KANSL1: variants seen among roughly 807,000 people sequenced by gnomAD.
KANSL1 encodes KAT8 regulatory NSL complex subunit 1.
KANSL1 carries 22 observed loss-of-function variants against 103.6 expected under a neutral mutation model. That is an observed-to-expected ratio of 0.21 (90% CI 0.15 to 0.30). The LOEUF (loss-of-function observed/expected upper bound fraction) is 0.30. KANSL1 is among the 10% of genes least tolerant of loss of function. The pLI is 1.00. For missense variants in KANSL1, 1,337 were observed against 1,399.8 expected (o/e 0.96, Z 0.72); for synonymous variants, 600 against 527.6 (o/e 1.14, Z -1.88).
intron 2 of KANSL1, among the ~76,000 whole-genome samples, chr17:46,104,337 C>A (rs199646282): frequency 2.0e-5 from 3 of 152,316 alleles, no homozygotes; most frequent in East Asian, 3.9e-4. Flanking sequence ...GAAGCATCTT[C>A]TAACACTAAA....
At chr17:46,063,516 G>C (rs2146623999) in intron 6 of KANSL1, among the ~76,000 whole-genome samples, 1 of 152,270 alleles carries the variant, frequency 6.6e-6, no homozygotes, top group Middle Eastern at 3.4e-3. Flanking sequence ...CTCTAACTCT[G>C]GAAGAACTCC....
intron 2 of KANSL1, 118 bp from the exon 3 acceptor site, chr17:46,094,819 A>G: frequency 8.4e-7 from 1 of 1,194,612 alleles, no homozygotes; most frequent in Non-Finnish European, 1.2e-6. Context: ...TCTAGTGTCA[A>G]GAAAAACCCA....
intron 2 of KANSL1, among the ~76,000 whole-genome samples, chr17:46,098,998 A>G (rs2042193872): frequency 6.6e-6 from 1 of 152,232 alleles, no homozygotes; most frequent in Non-Finnish European, 1.5e-5. Context: ...ACAGTAACAC[A>G]AGAATAAGAG....
In KANSL1 at chr17:46,203,684, A is replaced by C. The variant is rs1026962691; in HGVS notation, c.-90+19987T>G. Among the ~76,000 whole-genome samples the C allele has an allele frequency of 2.4e-4, 37 of 152,314 alleles. 1 individual carries two copies. The highest frequency in any genetic ancestry group is 6.8e-3 in the Middle Eastern group (2 of 294). On this transcript the variant is annotated intron_variant, in intron 1 of 14. Coordinates refer to the KANSL1 transcript ENST00000572904. ...TGCTTCCAATTCCATTTTCTTCTGGACTCTTTTCTGAAGCTTGCCTAAATC... is the reference window on the plus strand; with the variant it reads ...TGCTTCCAATTCCATTTTCTTCTGGCCTCTTTTCTGAAGCTTGCCTAAATC...
rs71138525 is a variant in KANSL1 at position 46,096,311 on chromosome 17, C to CTTTTTTTTTTTTT, written c.1290-1623_1290-1611dup. On this transcript the variant is annotated intron_variant, in intron 2 of 14. Transcript: ENST00000432791. ...CATACTACATACCTGGCTTTTTTTT[C>CTTTTTTTTTTTTT]TTTTTTTTTTTTTTTTTTTTTGAGA... is the stretch of plus-strand genomic sequence containing the variant. Among the ~76,000 whole-genome samples the CTTTTTTTTTTTTT allele has an allele frequency of 9.3e-4, 71 of 76,388 alleles. 2 individuals carry two copies. The highest frequency in any genetic ancestry group is 1.2e-3 in the Non-Finnish European group (48 of 40,676). The allele number at this position is 76,388 out of a possible 152,430, so 50.1% of individuals were successfully genotyped here. A position where few individuals can be genotyped will look rare whatever the true frequency, so the allele number is the denominator to read the frequency against.
intron 2 of KANSL1, among the ~76,000 whole-genome samples, chr17:46,164,783 G>C (rs1381492689): frequency 6.6e-6 from 1 of 152,238 alleles, no homozygotes; most frequent in East Asian, 1.9e-4. Flanking sequence ...TTTCAAAGTA[G>C]TTTGAGACCT....
At chr17:46,206,772 C>T (rs1481019422) in intron 1 of KANSL1, among the ~76,000 whole-genome samples, 2 of 152,152 alleles carry the variant, frequency 1.3e-5, no homozygotes, top group African/African-American at 4.8e-5. Context: ...CATTTGGTGG[C>T]CTGACATCAA....
chr17:46,124,361 G>A (rs2043421226), intron 2 of KANSL1, among the ~76,000 whole-genome samples: 1 of 152,242 alleles, frequency 6.6e-6, no homozygotes, highest in Non-Finnish European at 1.5e-5. Flanking sequence ...GTCCACCATT[G>A]AGACCTCATG....
chr17:46,087,543 T>C (rs1316361014), intron 3 of KANSL1, among the ~76,000 whole-genome samples: 1 of 152,232 alleles, frequency 6.6e-6, no homozygotes, highest in Non-Finnish European at 1.5e-5. Context: ...AAGGAGCTTA[T>C]GTTCATCTAG....
chr17:46,161,039 A>T (rs62060880), intron 2 of KANSL1, among the ~76,000 whole-genome samples: 1,770 of 152,016 alleles, frequency 0.012, no homozygotes, highest in Non-Finnish European at 0.018. Flanking sequence ...TAAAGAGCTA[A>T]AAACAATTCA....
intron 2 of KANSL1, among the ~76,000 whole-genome samples, chr17:46,164,414 T>C (rs1412450762): frequency 6.6e-6 from 1 of 152,272 alleles, no homozygotes; most frequent in African/African-American, 2.4e-5. Flanking sequence ...TTCTGCCACT[T>C]GACGTCATGT....
chr17:46,036,931 C>T (rs2077168312), intron 10 of KANSL1, among the ~76,000 whole-genome samples: 2 of 152,048 alleles, frequency 1.3e-5, no homozygotes, highest in East Asian at 1.9e-4. Context: ...AGGATGGTCT[C>T]GAACTCCTGA....
chr17:46,161,007 T>C (rs1228086047), intron 2 of KANSL1, among the ~76,000 whole-genome samples: 1 of 152,188 alleles, frequency 6.6e-6, no homozygotes, highest in East Asian at 1.9e-4. Context: ...CATAAATTAA[T>C]TTGTAAAAAG....
Position 46,171,007 on chromosome 17 carries a change from T to C in KANSL1, c.1137A>G (p.Glu379=), listed in dbSNP as rs2046255315. ...TGCCACTAGCTGTAAATCTCTCCAA[T>C]TCTTCTGAAATTGAATTGCTTTTCA... ...NFLKSNSISE[E]LERFTASGIA... The change falls in exon 2 of 15, where the codon GAA becomes GAG. Residue 379 remains glutamate, a synonymous_variant. Coordinates refer to ENST00000432791, the MANE Select transcript of KANSL1 (RefSeq NM_015443.4). 1.2e-6 allele frequency: 2 copies of C among 1,614,090 alleles called. No individual in the cohort carries two copies. Among genetic ancestry groups the C allele is most frequent in the Non-Finnish European group, 1.7e-6 (2 of 1,180,064 alleles).
intron 1 of KANSL1, among the ~76,000 whole-genome samples, chr17:46,202,129 G>T (rs773123416): frequency 6.6e-6 from 1 of 151,496 alleles, no homozygotes; most frequent in Admixed American, 6.6e-5. Context: ...TGTGAGCTAG[G>T]ATCACATTAC....
At chr17:46,178,556 C>T (rs1216119236) in intron 1 of KANSL1, among the ~76,000 whole-genome samples, 1 of 152,208 alleles carries the variant, frequency 6.6e-6, no homozygotes, top group Admixed American at 6.5e-5. Flanking sequence ...TGAGATTCTG[C>T]AGTAAGCTTG....
chr17:46,096,978 T>G (rs964134790), intron 2 of KANSL1, among the ~76,000 whole-genome samples: 17 of 152,242 alleles, frequency 1.1e-4, no homozygotes, highest in African/African-American at 3.9e-4. Context: ...GTGTCCAGGT[T>G]GTTCTCTAAC....
intron 4 of KANSL1, among the ~76,000 whole-genome samples, chr17:46,068,719 A>C (rs2078470498): frequency 6.6e-6 from 1 of 152,236 alleles, no homozygotes; most frequent in Admixed American, 6.5e-5. Flanking sequence ...AGAATATAAA[A>C]TGAAATAACA....
At chr17:46,150,554 G>T (rs1170237074) in intron 2 of KANSL1, among the ~76,000 whole-genome samples, 2 of 152,182 alleles carry the variant, frequency 1.3e-5, no homozygotes, top group Non-Finnish European at 2.9e-5. Context: ...TTGTTTCAAA[G>T]AAAATATTCC....
Sources: allele counts gnomAD v4.1 joint callset (sites outside exome capture counted in the v4.1 genomes callset), GRCh38; gene constraint gnomAD v4.1.1; transcripts MANE v1.5; gene names NCBI Gene and HGNC (gene_info 2026-07-23, HGNC 2026-07-21).